The following GPR31 variants were observed in gnomAD, a reference collection of about 807,000 sequenced individuals.
The protein encoded by GPR31 is G protein-coupled receptor 31, also known as 12-(S)-hydroxy-5,8,10,14-eicosatetraenoic acid receptor.
For missense variants in GPR31, 394 were observed against 400.5 expected, an observed-to-expected ratio of 0.98 and a Z score of 0.14; for synonymous variants, 209 against 183.8, an observed-to-expected ratio of 1.14 and a Z score of -1.11.
Position 167,157,169 on chromosome 6 carries a change from C to T in GPR31, c.663G>A (p.Gln221=). The change falls in exon 1 of 1, where the codon CAG becomes CAA. Residue 221 remains glutamine (Q), a synonymous_variant. Coordinates refer to ENST00000366834, the MANE Select transcript of GPR31 (RefSeq NM_005299.3). Reference sequence around the variant, plus strand: ...GCACCACCACCAAGGTGACCAGTGCCTGGGCCCGCTGAAGCTTGGGCTGTT... The same window carrying T: ...GCACCACCACCAAGGTGACCAGTGCTTGGGCCCGCTGAAGCTTGGGCTGTT... ...PEKQPKLQRA[Q]ALVTLVVVLF... The T allele has an allele frequency of 6.2e-7, 1 of 1,614,234 alleles. No individual in the cohort carries two copies. The highest frequency in any genetic ancestry group is 8.5e-7 in the Non-Finnish European group (1 of 1,180,036).
chr6:167,155,700 G>A lies in GPR31; in HGVS notation c.*1172C>T, dbSNP rs777598720. 2.0e-4 allele frequency among the ~76,000 whole-genome samples: 31 copies of A among 152,120 alleles called. 1 individual carries two copies. Among genetic ancestry groups the A allele is most frequent in the Non-Finnish European group, 3.8e-4 (26 of 68,036 alleles). The stretch of plus-strand genomic sequence containing the variant: ...ACGAATAACATGAGTGCAGCTCCAG[G>A]GAGGCTGAGGGGCAGCTCACCAGGC... On this transcript the variant is annotated 3_prime_UTR_variant, in exon 1 of 1. Transcript: ENST00000366834.
rs548503248 is a variant in GPR31, at chr6:167,157,476, G to A, written c.356C>T (p.Pro119Leu). 1.2e-6 allele frequency: 2 copies of A among 1,613,622 alleles called. No homozygotes were observed. Among genetic ancestry groups the A allele is most frequent in the Non-Finnish European group, 8.5e-7 (1 of 1,179,914 alleles). The change falls in exon 1 of 1, where the codon CCT becomes CTT. Residue 119 changes from proline (P) to leucine (L), a missense_variant. By Grantham distance (98) the Pro-to-Leu change is moderately conservative (BLOSUM62 -3). Coordinates refer to ENST00000366834, the MANE Select transcript of GPR31 (RefSeq NM_005299.3). ...AGACAGCAGGTTGACCTTAAGCCGAGGGTGGACCACACGGAGGTACCGGTC... is the reference window on the plus strand; with the variant it reads ...AGACAGCAGGTTGACCTTAAGCCGAAGGTGGACCACACGGAGGTACCGGTC... ...ALDRYLRVVH[P>L]RLKVNLLSPQ...
Position 167,157,604 on chromosome 6 carries a change from G to A in GPR31, c.228C>T (p.Ser76=), listed in dbSNP as rs1218452063. Residue 76 remains serine (S), a synonymous_variant, in exon 1 of 1, where the codon AGC becomes AGT. Transcript: ENST00000366834. ...CACGGCCCAGATGCCAAGCCTGGAG[G>A]CTCAGGTAGAAGGCGGCCAGGAAAG... ...CLPFLAAFYL[S]LQAWHLGRVG... 1 of 1,613,606 alleles carries A rather than the reference G, an allele frequency of 6.2e-7. No individual in the cohort carries two copies. Among genetic ancestry groups the A allele is most frequent in the Non-Finnish European group, 8.5e-7 (1 of 1,179,776 alleles).
Position 167,157,040 on chromosome 6 carries a change from C to G in GPR31, c.792G>C (p.Ser264=). The stretch of plus-strand genomic sequence containing the variant: ...GGTAGGTGAGGCTGCCCGTGACATC[C>G]GAGGTATGAGCCACTGCACAAAGGG... The part of the protein sequence containing the change: ...CRALCAVAHT[S]DVTGSLTYLH... Residue 264 remains serine (S), a synonymous_variant, in exon 1 of 1, where the codon TCG becomes TCC. Coordinates refer to ENST00000366834, the MANE Select transcript of GPR31 (RefSeq NM_005299.3). 6.2e-7 allele frequency: 1 copy of G among 1,614,108 alleles called. No individual in the cohort carries two copies. Among genetic ancestry groups the G allele is most frequent in the South Asian group, 1.1e-5 (1 of 91,078 alleles).
Position 167,157,857 on chromosome 6 carries a change from A to G in GPR31, c.-26T>C. 1 of 1,585,134 alleles carries G rather than the reference A, an allele frequency of 6.3e-7. No individual in the cohort carries two copies. The highest frequency in any genetic ancestry group is 8.6e-7 in the Non-Finnish European group (1 of 1,165,794). ...CACCCGGCCGTGAGGGGCTGCAGGC[A>G]CAGCTGGAGCAGGTACAGGAGGAAC... On this transcript the variant is annotated 5_prime_UTR_variant, in exon 1 of 1. Coordinates refer to ENST00000366834, the MANE Select transcript of GPR31 (RefSeq NM_005299.3).
At position 167,156,779 on chromosome 6, in the gene GPR31, C is replaced by A; in HGVS notation, c.*93G>T. On this transcript the variant is annotated 3_prime_UTR_variant, in exon 1 of 1. Coordinates refer to ENST00000366834, the MANE Select transcript of GPR31 (RefSeq NM_005299.3). The surrounding 1 kb of genome is among the most constrained non-coding windows in gnomAD (Gnocchi z 4.5). ...TGATCCTTGTATTGCAGTCTTAAGA[C>A]TTCTTCTTCTTCCAGAATCCCAAAG... 7.4e-7 allele frequency: 1 copy of A among 1,350,664 alleles called. No individual in the cohort carries two copies. Among genetic ancestry groups the A allele is most frequent in the Non-Finnish European group, 1.0e-6 (1 of 982,748 alleles). The allele number at this position is 1,350,664 out of a possible 1,614,324, so 83.7% of individuals were successfully genotyped here.
In GPR31 at chr6:167,156,852, G is replaced by T; in HGVS notation, c.*20C>A. On this transcript the variant is annotated 3_prime_UTR_variant, in exon 1 of 1. Transcript: ENST00000366834. This position sits in a 1 kb window ranked among gnomAD's most constrained non-coding sequence, Gnocchi z 4.5. ...CGCAGGTAGTTCCATAAACACGGGC[G>T]TTGAGGACGCTGGCTGTTGTCAGGA... The T allele has an allele frequency of 1.9e-6, 3 of 1,550,638 alleles. No individual in the cohort carries two copies. Among genetic ancestry groups the T allele is most frequent in the African/African-American group, 2.8e-5 (2 of 72,548 alleles).
chr6:167,157,307 G>T lies in GPR31; in HGVS notation c.525C>A (p.Ile175=), dbSNP rs1365687206. 1.2e-6 allele frequency: 2 copies of T among 1,614,100 alleles called. No homozygotes were observed. The highest frequency in any genetic ancestry group is 3.3e-5 in the Admixed American group (2 of 60,032). ...FYSRADGSFS[I]IWQEALSCLQ... is the part of the protein sequence containing the mutation. Reference sequence around the variant, plus strand: ...GGCAGGAGAGTGCTTCCTGCCAGATGATGCTGAAGGAGCCGTCTGCCCTGG... The same window carrying T: ...GGCAGGAGAGTGCTTCCTGCCAGATTATGCTGAAGGAGCCGTCTGCCCTGG... Residue 175 remains isoleucine, a synonymous_variant, in exon 1 of 1, where the codon ATC becomes ATA. Transcript: ENST00000366834.
chr6:167,157,630 G>T lies in GPR31; in HGVS notation c.202C>A (p.Pro68Thr). 2 of 1,613,810 alleles carry T rather than the reference G, an allele frequency of 1.2e-6. No homozygotes were observed. Among genetic ancestry groups the T allele is most frequent in the Non-Finnish European group, 1.7e-6 (2 of 1,179,930 alleles). The change falls in exon 1 of 1, where the codon CCT (proline) becomes ACT (threonine). Residue 68 changes from proline to threonine, a missense_variant. Physicochemically the swap from Pro to Thr is conservative, Grantham distance 38. Coordinates refer to ENST00000366834, the MANE Select transcript of GPR31 (RefSeq NM_005299.3). The part of the protein sequence containing the change: ...LADLLLAACL[P>T]FLAAFYLSLQ... Reference sequence around the variant, plus strand: ...CTCAGGTAGAAGGCGGCCAGGAAAGGCAGGCACGCAGCCAACAGCAGGTCA... The same window carrying T: ...CTCAGGTAGAAGGCGGCCAGGAAAGTCAGGCACGCAGCCAACAGCAGGTCA...
In GPR31 at chr6:167,156,574, G is replaced by T. The variant is rs1782065838; in HGVS notation, c.*298C>A. ...AGCAAATTACATTTCTTCAAGTGTG[G>T]AGATGGAGTAGCTGCCCGACTTTTC... On this transcript the variant is annotated 3_prime_UTR_variant, in exon 1 of 1. Transcript: ENST00000366834. This position sits in a 1 kb window ranked among gnomAD's most constrained non-coding sequence, Gnocchi z 4.5. The T allele has an allele frequency of 1.5e-5, 4 of 269,606 alleles. No homozygotes were observed. The East Asian group carries it at 2.7e-4, about 18-fold the overall frequency. 16.7% of individuals were successfully genotyped at this position (269,606 alleles called of 1,614,324 possible).
rs760479821 is a variant in GPR31, at chr6:167,156,974, G to T, written c.858C>A (p.Ser286Arg). The change falls in exon 1 of 1, where the codon AGC becomes AGA. Residue 286 changes from serine (S) to arginine (R), a missense_variant. Transcript: ENST00000366834. This position sits in a 1 kb window ranked among gnomAD's most constrained non-coding sequence, Gnocchi z 4.5. Reference sequence around the variant, plus strand: ...TCCGATAGGAGCTCCTGAAGGTGGGGCTGGAGAAGCAGTATACCACGGGGT... The same window carrying T: ...TCCGATAGGAGCTCCTGAAGGTGGGTCTGGAGAAGCAGTATACCACGGGGT... ...VLNPVVYCFS[S>R]PTFRSSYRRV... 1.2e-6 allele frequency: 2 copies of T among 1,614,202 alleles called. No homozygotes were observed. The highest frequency in any genetic ancestry group is 1.7e-5 in the Admixed American group (1 of 60,026).
Position 167,156,882 on chromosome 6 carries a change from G to A in GPR31, c.950C>T (p.Ser317Phe), listed in dbSNP as rs756263920. 1.3e-6 allele frequency: 2 copies of A among 1,593,576 alleles called. No individual in the cohort carries two copies. Among genetic ancestry groups the A allele is most frequent in the Non-Finnish European group, 1.7e-6 (2 of 1,170,120 alleles). Residue 317 changes from serine to phenylalanine, a missense_variant, in exon 1 of 1, where the codon TCC becomes TTC. By Grantham distance (155) the Ser-to-Phe change is radical. Coordinates refer to ENST00000366834, the MANE Select transcript of GPR31 (RefSeq NM_005299.3). This position sits in a 1 kb window ranked among gnomAD's most constrained non-coding sequence, Gnocchi z 4.5. ...GGACGCTGGCTGTTGTCAGGAATAG[G>A]AGTCTCTGGGGTTGAAATCTGGGGG... ...AEPPDFNPRD[S>F]YS
rs6907629 is a variant in GPR31 at position 167,156,031 on chromosome 6, C to T, written c.*841G>A. Among the ~76,000 whole-genome samples the T allele has an allele frequency of 0.26, 39,562 of 152,132 alleles. 6,207 individuals carry two copies. The highest frequency in any genetic ancestry group is 0.35 in the Non-Finnish European group (23,876 of 67,950). On this transcript the variant is annotated 3_prime_UTR_variant, in exon 1 of 1. Coordinates refer to ENST00000366834, the MANE Select transcript of GPR31 (RefSeq NM_005299.3). This position sits in a 1 kb window ranked among gnomAD's most constrained non-coding sequence, Gnocchi z 4.5. ...CACCATTGTCCACCAGCTGTGCCAG[C>T]GGGGTTGGAAATGACCATTTCAAAC...
rs148720450 is a variant in GPR31 at position 167,157,096 on chromosome 6, G to A, written c.736C>T (p.His246Tyr). The A allele has an allele frequency of 3.0e-4, 490 of 1,614,184 alleles. 4 individuals carry two copies. In the African/African-American group the frequency reaches 5.2e-3, roughly 17 times the overall value. ...LPCFLARVLM[H>Y]IFQNLGSCRA... ...CAGCTCCCCAGATTCTGGAAGATGTGCATCAGGACTCTGGCCAGGAAGCAG... is the reference window on the plus strand; with the variant it reads ...CAGCTCCCCAGATTCTGGAAGATGTACATCAGGACTCTGGCCAGGAAGCAG... The change falls in exon 1 of 1, where the codon CAC becomes TAC. Residue 246 changes from histidine to tyrosine, a missense_variant. Transcript: ENST00000366834.
Position 167,157,460 on chromosome 6 carries a change from G to A in GPR31, c.372C>T (p.Asn124=), listed in dbSNP as rs1782077596. The A allele has an allele frequency of 6.2e-7, 1 of 1,613,670 alleles. No homozygotes were observed. Among genetic ancestry groups the A allele is most frequent in the Non-Finnish European group, 8.5e-7 (1 of 1,179,952 alleles). ...LRVVHPRLKV[N]LLSPQAALGV... ...CCAGGGCCGCCTGAGGAGACAGCAG[G>A]TTGACCTTAAGCCGAGGGTGGACCA... The change falls in exon 1 of 1, where the codon AAC becomes AAT. Residue 124 remains asparagine (N), a synonymous_variant. Transcript: ENST00000366834.
rs200659009 is a variant in GPR31, at chr6:167,157,836, C to T, written c.-5G>A. On this transcript the variant is annotated 5_prime_UTR_variant, in exon 1 of 1. Transcript: ENST00000366834. Reference sequence around the variant, plus strand: ...TGAGCAGTTTGGGAATGGCATCACCCGGCCGTGAGGGGCTGCAGGCACAGC... The same window carrying T: ...TGAGCAGTTTGGGAATGGCATCACCTGGCCGTGAGGGGCTGCAGGCACAGC... The T allele has an allele frequency of 9.6e-5, 154 of 1,600,940 alleles. 2 individuals carry two copies. In the African/African-American group the frequency reaches 1.0e-3, roughly 10 times the overall value.
rs2114955554 is a variant in GPR31, at chr6:167,156,788, C to A, written c.*84G>T. 7.1e-7 allele frequency: 1 copy of A among 1,410,958 alleles called. No homozygotes were observed. The highest frequency in any genetic ancestry group is 2.3e-5 in the East Asian group (1 of 43,670). 87.4% of individuals were successfully genotyped at this position (1,410,958 alleles called of 1,614,324 possible). Reference sequence around the variant, plus strand: ...TATTGCAGTCTTAAGACTTCTTCTTCTTCCAGAATCCCAAAGTAGGAGTAA... The same window carrying A: ...TATTGCAGTCTTAAGACTTCTTCTTATTCCAGAATCCCAAAGTAGGAGTAA... On this transcript the variant is annotated 3_prime_UTR_variant, in exon 1 of 1. Coordinates refer to ENST00000366834, the MANE Select transcript of GPR31 (RefSeq NM_005299.3). This position sits in a 1 kb window ranked among gnomAD's most constrained non-coding sequence, Gnocchi z 4.5.
In GPR31 at chr6:167,157,835, C is replaced by T. The variant is rs762712855; in HGVS notation, c.-4G>A. ...CTGAGCAGTTTGGGAATGGCATCAC[C>T]CGGCCGTGAGGGGCTGCAGGCACAG... On this transcript the variant is annotated 5_prime_UTR_variant, in exon 1 of 1. Coordinates refer to ENST00000366834, the MANE Select transcript of GPR31 (RefSeq NM_005299.3). The T allele has an allele frequency of 6.2e-7, 1 of 1,601,826 alleles. No homozygotes were observed. Among genetic ancestry groups the T allele is most frequent in the Non-Finnish European group, 8.5e-7 (1 of 1,174,078 alleles).
In GPR31 at chr6:167,157,330, T is replaced by C. The variant is rs1322259115; in HGVS notation, c.502A>G (p.Arg168Gly). 2 of 1,613,798 alleles carry C rather than the reference T, an allele frequency of 1.2e-6. No homozygotes were observed. The highest frequency in any genetic ancestry group is 1.7e-5 in the Admixed American group (1 of 59,990). ...NSTRCHSFYS[R>G]ADGSFSIIWQ... is the part of the protein sequence containing the mutation. ...ATGATGCTGAAGGAGCCGTCTGCCCTGGAGTAGAAACTGTGGCACCTGGTG... is the reference window on the plus strand; with the variant it reads ...ATGATGCTGAAGGAGCCGTCTGCCCCGGAGTAGAAACTGTGGCACCTGGTG... The change falls in exon 1 of 1, where the codon AGG (arginine) becomes GGG (glycine). Residue 168 changes from arginine to glycine, a missense_variant. By Grantham distance (125) the Arg-to-Gly change is moderately radical. Coordinates refer to ENST00000366834, the MANE Select transcript of GPR31 (RefSeq NM_005299.3).
Sources: allele counts gnomAD v4.1 joint callset (sites outside exome capture counted in the v4.1 genomes callset), GRCh38; gene constraint gnomAD v4.1.1; non-coding constraint Gnocchi (gnomAD v3.1); transcripts MANE v1.5; gene names NCBI Gene and HGNC (gene_info 2026-07-23, HGNC 2026-07-21).